The following SMCHD1 variants were observed in gnomAD, a reference collection of about 807,000 sequenced individuals.
SMCHD1 encodes structural maintenance of chromosomes flexible hinge domain-containing protein 1.
In SMCHD1, 78 loss-of-function variants were observed where a neutral mutation model predicts 254.7. That is an observed-to-expected ratio of 0.31 (90% CI 0.26 to 0.37). The LOEUF is 0.37. SMCHD1 is among the 10% of genes least tolerant of loss of function. SMCHD1 has a pLI of 1.00. For missense variants in SMCHD1, 1,840 were observed against 2,408.1 expected (o/e 0.76, Z 4.94); for synonymous variants, 766 against 794.9 (o/e 0.96, Z 0.61).
intron 5 of SMCHD1, among the ~76,000 whole-genome samples, chr18:2,686,803 A>T (rs1249210898): frequency 6.6e-6 from 1 of 152,060 alleles, no homozygotes; most frequent in Non-Finnish European, 1.5e-5. Context: ...TATCTCTGGT[A>T]TTACAGTGTC....
intron 17 of SMCHD1, among the ~76,000 whole-genome samples, chr18:2,717,897 T>C (rs1204858765): frequency 1.3e-5 from 2 of 152,206 alleles, no homozygotes; most frequent in Non-Finnish European, 2.9e-5. Flanking sequence ...TTGTCTTCTG[T>C]TGTCTTCCTT....
chr18:2,744,585 C>T (rs183896830), intron 29 of SMCHD1, among the ~76,000 whole-genome samples: 1 of 152,162 alleles, frequency 6.6e-6, no homozygotes, highest in East Asian at 1.9e-4. Flanking sequence ...GTGGTGAAAA[C>T]ATTTGAAATC....
At chr18:2,682,466 A>G (rs948020889) in intron 5 of SMCHD1, among the ~76,000 whole-genome samples, 2 of 151,760 alleles carry the variant, frequency 1.3e-5, no homozygotes, top group Admixed American at 1.3e-4. Context: ...GGGATTATAG[A>G]TGCACACCAC....
intron 8 of SMCHD1, among the ~76,000 whole-genome samples, chr18:2,695,339 C>T (rs2074263852): frequency 7.0e-6 from 1 of 142,958 alleles, no homozygotes; most frequent in South Asian, 2.2e-4. Flanking sequence ...GACGGAGTTT[C>T]ACTCTTGTTG....
At chr18:2,707,373 T>C (rs573856017) in intron 15 of SMCHD1, 190 bp from the exon 16 acceptor site, 356 of 363,590 alleles carry the variant, frequency 9.8e-4, no homozygotes, top group African/African-American at 5.6e-3. Context: ...TCTTCTTCTT[T>C]TTTTTCAGTA....
At position 2,743,864 on chromosome 18, in the gene SMCHD1, G is replaced by T. The variant is rs751203603; in HGVS notation, c.3737G>T (p.Arg1246Leu). 6.2e-7 allele frequency: 1 copy of T among 1,613,050 alleles called. No homozygotes were observed. Among genetic ancestry groups the T allele is most frequent in the South Asian group, 1.1e-5 (1 of 90,980 alleles). The change falls in exon 29 of 48, where the codon CGA (arginine) becomes CTA (leucine). Residue 1246 changes from arginine (R) to leucine (L), a missense_variant. Physicochemically the swap from Arg to Leu is moderately radical, Grantham distance 102 (BLOSUM62 -2). Around this residue, in one of 9 missense-constraint regions of SMCHD1, gnomAD observed 881 missense variants for 1,009.5 expected, o/e 0.87. Coordinates refer to ENST00000320876, the MANE Select transcript of SMCHD1 (RefSeq NM_015295.3). ...TGGCGTGAGTTTTCTGACTTTATTC[G>T]AGTGCAACTAATTTCTGGACCTCCT... The part of the protein sequence containing the change: ...FTWREFSDFI[R>L]VQLISGPPAK...
chr18:2,757,133 A>G (rs151224151), intron 34 of SMCHD1, among the ~76,000 whole-genome samples: 6 of 152,302 alleles, frequency 3.9e-5, no homozygotes, highest in African/African-American at 1.4e-4. Context: ...AGAGCTGTAC[A>G]TTTCTAAGCA....
At chr18:2,771,701 T>C in intron 40 of SMCHD1, 83 bp downstream of exon 40, 1 of 1,092,118 alleles carries the variant, frequency 9.2e-7, no homozygotes, top group Admixed American at 3.0e-5. Context: ...TTATTAGGAA[T>C]TCTGAGTATT....
At chr18:2,672,746 T>G (rs2073646182) in intron 3 of SMCHD1, among the ~76,000 whole-genome samples, 1 of 152,258 alleles carries the variant, frequency 6.6e-6, no homozygotes, top group Admixed American at 6.5e-5. Context: ...AGCAGTTCTG[T>G]GTCAGTTGAA....
chr18:2,706,834 A>C (rs967933847), intron 15 of SMCHD1, among the ~76,000 whole-genome samples: 2 of 152,184 alleles, frequency 1.3e-5, no homozygotes, highest in Non-Finnish European at 2.9e-5. Context: ...ATACTACCTG[A>C]GACTGGGTAA....
intron 5 of SMCHD1, among the ~76,000 whole-genome samples, chr18:2,681,299 G>A (rs1302376124): frequency 1.3e-5 from 2 of 151,704 alleles, no homozygotes; most frequent in Non-Finnish European, 2.9e-5. Context: ...GGTAATCCCA[G>A]CTGCTCAGGA....
intron 37 of SMCHD1, among the ~76,000 whole-genome samples, chr18:2,765,742 A>G (rs2075855243): frequency 6.6e-6 from 1 of 152,164 alleles, no homozygotes; most frequent in Admixed American, 6.5e-5. Context: ...TCATTTATTG[A>G]CATTGAGGAC....
intron 33 of SMCHD1, among the ~76,000 whole-genome samples, chr18:2,752,257 A>C (rs2143630647): frequency 6.6e-6 from 1 of 152,252 alleles, no homozygotes; most frequent in Non-Finnish European, 1.5e-5. Context: ...TATCACCATA[A>C]AGTTCTACTG....
Position 2,718,983 on chromosome 18 carries a change from A to G in SMCHD1, c.2458+549A>G, listed in dbSNP as rs2074863604. On this transcript the variant is annotated intron_variant, in intron 19 of 47. Transcript: ENST00000320876. This position sits in a 1 kb window ranked among gnomAD's most constrained non-coding sequence, Gnocchi z 4.6. Reference sequence around the variant, plus strand: ...GCTGTCCTGATTCCTGACCCTGGGCATATTGCCCCTCCTCCCCCAAAACGT... The same window carrying G: ...GCTGTCCTGATTCCTGACCCTGGGCGTATTGCCCCTCCTCCCCCAAAACGT... 6.6e-6 allele frequency among the ~76,000 whole-genome samples: 1 copy of G among 152,018 alleles called. No individual in the cohort carries two copies. Among genetic ancestry groups the G allele is most frequent in the East Asian group, 1.9e-4 (1 of 5,176 alleles).
intron 15 of SMCHD1, among the ~76,000 whole-genome samples, chr18:2,707,104 G>A (rs528575258): frequency 6.6e-6 from 1 of 152,256 alleles, no homozygotes; most frequent in Admixed American, 6.5e-5. Flanking sequence ...TTGACACCTG[G>A]GGATTAGAAT....
In SMCHD1 at chr18:2,803,743, A is replaced by G. The variant is rs1294725713; in HGVS notation, c.*1191A>G. 6.6e-6 allele frequency: 1 copy of G among 152,218 alleles called. No individual in the cohort carries two copies. Among genetic ancestry groups the G allele is most frequent in the Non-Finnish European group, 1.5e-5 (1 of 68,036 alleles). 9.4% of individuals were successfully genotyped at this position (152,218 alleles called of 1,614,324 possible). A position where few individuals can be genotyped will look rare whatever the true frequency, so the allele number is the denominator to read the frequency against. On this transcript the variant is annotated 3_prime_UTR_variant, in exon 48 of 48. Transcript: ENST00000320876. The stretch of plus-strand genomic sequence containing the variant: ...TAAACTGTTTGTTGTTACAGAAGAA[A>G]CAAAATGGTAATTACAGAATTAGCT...
intron 27 of SMCHD1, among the ~76,000 whole-genome samples, chr18:2,739,903 A>G (rs2075316138): frequency 6.6e-6 from 1 of 151,734 alleles, no homozygotes; most frequent in Admixed American, 6.6e-5. Context: ...TGGACAAAAT[A>G]GTGATACTGT....
chr18:2,680,980 A>G (rs1176325267), intron 5 of SMCHD1, among the ~76,000 whole-genome samples: 2 of 152,196 alleles, frequency 1.3e-5, no homozygotes, highest in Admixed American at 6.5e-5. Context: ...GATATAGGAC[A>G]ATAAGCTAGA....
chr18:2,703,835 A>C lies in SMCHD1; in HGVS notation c.1791A>C (p.Ala597=). ...DLPSKKQGPW[A]TYAAIEWDGK... ...CTTCTAAAAAGCAAGGTCCCTGGGC[A>C]ACATATGCAGCAATAGAATGGGATG... The change falls in exon 13 of 48, where the codon GCA becomes GCC. Residue 597 remains alanine (A), a synonymous_variant. Transcript: ENST00000320876. 6.2e-7 allele frequency: 1 copy of C among 1,612,660 alleles called. No homozygotes were observed. Among genetic ancestry groups the C allele is most frequent in the Non-Finnish European group, 8.5e-7 (1 of 1,179,202 alleles).
Sources: allele counts gnomAD v4.1 joint callset (sites outside exome capture counted in the v4.1 genomes callset), GRCh38; gene constraint gnomAD v4.1.1; regional missense constraint gnomAD v4.1.1; non-coding constraint Gnocchi (gnomAD v3.1); transcripts MANE v1.5; gene names NCBI Gene and HGNC (gene_info 2026-07-23, HGNC 2026-07-21).